Variants in COL12A1 observed in about 807,000 individuals in gnomAD.
COL12A1 encodes the protein collagen type XII alpha 1 chain.
A neutral mutation model predicts 349.7 loss-of-function variants in COL12A1; 114 were observed. The ratio of observed to expected loss-of-function variants is 0.33; its 90% CI spans 0.28 to 0.38. The LOEUF (loss-of-function observed/expected upper bound fraction) is 0.38, where lower values mean the gene tolerates loss of function less well. COL12A1 is among the 10% of genes least tolerant of loss of function. COL12A1 has a pLI of 1.00. For synonymous variants in COL12A1, 1,369 were observed against 1,329.0 expected (o/e 1.03, Z -0.66); for missense variants, 3,284 against 3,756.9 (o/e 0.87, Z 3.29).
At position 75,175,167 on chromosome 6, in the gene COL12A1, C is replaced by G. The variant is rs780466316; in HGVS notation, c.2581G>C (p.Val861Leu). ...VAGGETQEVT[V>L]RGDTTNTVLQ... ...ACCGTATTGGTTGTATCTCCCCTCA[C>G]AGTGACCTCTTGAGTTTCACCCCCT... The change falls in exon 13 of 66, where the codon GTG becomes CTG. Residue 861 changes from valine to leucine, a missense_variant. Coordinates refer to ENST00000322507, the MANE Select transcript of COL12A1 (RefSeq NM_004370.6). 6.2e-7 allele frequency: 1 copy of G among 1,614,200 alleles called. No homozygotes were observed. Among genetic ancestry groups the G allele is most frequent in the South Asian group, 1.1e-5 (1 of 91,078 alleles).
intron 38 of COL12A1, among the ~76,000 whole-genome samples, 195 bp from the exon 39 acceptor site, chr6:75,126,665 C>T (rs561653733): frequency 6.6e-6 from 1 of 152,114 alleles, no homozygotes; most frequent in African/African-American, 2.4e-5. Context: ...TAAACAGCAA[C>T]TCAAATAGAC....
At chr6:75,102,273 T>C (rs901262359) in intron 56 of COL12A1, among the ~76,000 whole-genome samples, 2 of 152,212 alleles carry the variant, frequency 1.3e-5, no homozygotes, top group Non-Finnish European at 2.9e-5. Context: ...CTACTTACAA[T>C]GTTATGGGGT....
Position 75,121,447 on chromosome 6 carries a change from A to T in COL12A1, c.6947-6T>A, listed in dbSNP as rs200538799. Reference sequence around the variant, plus strand: ...TGCCTTGGCCCCTTTGCATACTGCAAAAAAAGAAAGCAGAGGAAGCCCCAA... The same window carrying T: ...TGCCTTGGCCCCTTTGCATACTGCATAAAAAGAAAGCAGAGGAAGCCCCAA... On this transcript the variant is annotated splice_region_variant and splice_polypyrimidine_tract_variant and intron_variant, in intron 43 of 65. Coordinates refer to ENST00000322507, the MANE Select transcript of COL12A1 (RefSeq NM_004370.6). The T allele has an allele frequency of 2.0e-6, 3 of 1,537,536 alleles. No individual in the cohort carries two copies. The African/African-American group carries it at 4.1e-5, about 21-fold the overall frequency.
rs919687004 is a variant in COL12A1, at chr6:75,139,068, G to C, written c.4958-107C>G. ...TTATATTAATGGACATCTGAAAACT[G>C]ATTGAATACATTGCTTAGAACCAAA... On this transcript the variant is annotated intron_variant, in intron 27 of 65. Transcript: ENST00000322507. 32 of 1,289,670 alleles carry C rather than the reference G, an allele frequency of 2.5e-5. No homozygotes were observed. The African/African-American group carries it at 4.5e-4, about 18-fold the overall frequency. The allele number at this position is 1,289,670 out of a possible 1,614,324, so 79.9% of individuals were successfully genotyped here.
Position 75,105,653 on chromosome 6 carries a change from C to G in COL12A1, c.8179-361G>C, listed in dbSNP as rs537474042. Among the ~76,000 whole-genome samples, 3 of 152,260 alleles carry G rather than the reference C, an allele frequency of 2.0e-5. No individual in the cohort carries two copies. The South Asian group carries it at 6.2e-4, about 32-fold the overall frequency. ...TTCTCCATTATCCACATTGTTTTGT[C>G]CTTCACTTCATTCAGGTCTCTGCTT... is the stretch of plus-strand genomic sequence containing the variant. On this transcript the variant is annotated intron_variant, in intron 53 of 65. Transcript: ENST00000322507.
intron 1 of COL12A1, among the ~76,000 whole-genome samples, chr6:75,205,551 T>C (rs1363859174): frequency 6.6e-6 from 1 of 152,074 alleles, no homozygotes; most frequent in Middle Eastern, 3.2e-3. Flanking sequence ...AAAACCTTGC[T>C]CAGCTCTTAA....
intron 43 of COL12A1, among the ~76,000 whole-genome samples, chr6:75,121,858 CTTT>C (rs60234784): frequency 6.0e-5 from 8 of 134,426 alleles, no homozygotes; most frequent in Admixed American, 1.5e-4. Flanking sequence ...CAAATAAGTC[CTTT>C]TTTTTTTTTT....
In COL12A1 at chr6:75,175,291, G is replaced by A; in HGVS notation, c.2457C>T (p.Asp819=). 6.2e-7 allele frequency: 1 copy of A among 1,614,100 alleles called. No homozygotes were observed. Among genetic ancestry groups the A allele is most frequent in the South Asian group, 1.1e-5 (1 of 91,070 alleles). The part of the protein sequence containing the change: ...ATEEVRGNPR[D]LRVSDPTTST... ...ACGTCGTAGGGTCAGAAACTCTTAA[G>A]TCTCTTGGATTCCCTCTAACTTCAT... The change falls in exon 13 of 66, where the codon GAC becomes GAT. Residue 819 remains aspartate, a synonymous_variant. Transcript: ENST00000322507.
At position 75,089,192 on chromosome 6, in the gene COL12A1, G is replaced by C. The variant is rs1295839184; in HGVS notation, c.8942-18C>G. The C allele has an allele frequency of 1.9e-6, 3 of 1,582,854 alleles. No homozygotes were observed. The highest frequency in any genetic ancestry group is 2.6e-6 in the Non-Finnish European group (3 of 1,165,734). ...TGGCAAACCTAAGGAGGGAGAAAAA[G>C]AGAAAGCACAGGGGAAAAATTATCT... On this transcript the variant is annotated intron_variant, in intron 63 of 65. Transcript: ENST00000322507.
intron 5 of COL12A1, 44 bp from the exon 6 acceptor site, chr6:75,189,859 C>G: frequency 6.3e-7 from 1 of 1,592,902 alleles, no homozygotes; most frequent in Non-Finnish European, 8.6e-7. Flanking sequence ...TTTATTAAAT[C>G]AACTCATCAA....
chr6:75,183,886 A>C lies in COL12A1; in HGVS notation c.1256T>G (p.Met419Arg). The C allele has an allele frequency of 6.2e-7, 1 of 1,614,170 alleles. No homozygotes were observed. Among genetic ancestry groups the C allele is most frequent in the Non-Finnish European group, 8.5e-7 (1 of 1,180,018 alleles). The change falls in exon 9 of 66, where the codon ATG becomes AGG. Residue 419 changes from methionine to arginine, a missense_variant. This residue lies in a region of COL12A1 where 2,601 missense variants were observed against 2,824.8 expected (regional missense o/e 0.92). Coordinates refer to ENST00000322507, the MANE Select transcript of COL12A1 (RefSeq NM_004370.6). ...AACTTTCATTGGCTGAGTCTTCTCC[A>C]TTATTGAAATGGGTTCACTGGATGT... Reference protein sequence around the residue: ...GMTSSEPISIMEKTQPMKVQV... With the variant: ...GMTSSEPISIREKTQPMKVQV...
intron 16 of COL12A1, among the ~76,000 whole-genome samples, chr6:75,155,147 C>T (rs1249114599): frequency 6.6e-6 from 1 of 152,102 alleles, no homozygotes; most frequent in Non-Finnish European, 1.5e-5. Context: ...TTTTTCACTG[C>T]ACAGCCTGGA....
chr6:75,147,816 A>T lies in COL12A1; in HGVS notation c.4288-12T>A, dbSNP rs377491153. On this transcript the variant is annotated splice_polypyrimidine_tract_variant and intron_variant, in intron 22 of 65. Coordinates refer to ENST00000322507, the MANE Select transcript of COL12A1 (RefSeq NM_004370.6). ...CGACTCACATAAAACTAGGGGGAAA[A>T]ATTAAACAGAGCAACAACGTATGTA... is the stretch of plus-strand genomic sequence containing the variant. 222 of 1,610,988 alleles carry T rather than the reference A, an allele frequency of 1.4e-4. No individual in the cohort carries two copies. Among genetic ancestry groups the T allele is most frequent in the Non-Finnish European group, 1.7e-4 (205 of 1,178,982 alleles).
Position 75,202,804 on chromosome 6 carries a change from G to C in COL12A1, c.-12C>G, listed in dbSNP as rs1770599760. 3 of 1,551,608 alleles carry C rather than the reference G, an allele frequency of 1.9e-6. No homozygotes were observed. In the Middle Eastern group the frequency reaches 5.0e-4, roughly 259 times the overall value. On this transcript the variant is annotated 5_prime_UTR_variant, in exon 2 of 66. Coordinates refer to ENST00000322507, the MANE Select transcript of COL12A1 (RefSeq NM_004370.6). ...AGCCTACTCCGCATCCTTGGCCTCC[G>C]AGCTTACAGCGGCATGAAGAGATCT...
chr6:75,118,505 C>T (rs556849058), intron 46 of COL12A1, among the ~76,000 whole-genome samples: 1 of 152,256 alleles, frequency 6.6e-6, no homozygotes, highest in South Asian at 2.1e-4. Context: ...CTACTTTCAC[C>T]TCTAATGATC....
chr6:75,191,573 TTCC>T, intron 5 of COL12A1, 125 bp downstream of exon 5: 1 of 502,370 alleles, frequency 2.0e-6, no homozygotes, highest in Non-Finnish European at 3.3e-6. Flanking sequence ...TCTGTGCTCC[TTCC>T]AGATAAAGCT....
chr6:75,161,739 T>C (rs1053694875), intron 14 of COL12A1, among the ~76,000 whole-genome samples: 1 of 152,252 alleles, frequency 6.6e-6, no homozygotes, highest in Admixed American at 6.5e-5. Flanking sequence ...GATGACAAGA[T>C]TGTATATTTA....
intron 26 of COL12A1, 117 bp from the exon 27 acceptor site, chr6:75,142,278 G>T: frequency 8.1e-7 from 1 of 1,239,340 alleles, no homozygotes; most frequent in Non-Finnish European, 1.1e-6. Flanking sequence ...GAAAAGAGCA[G>T]TGTTTTCCAA....
chr6:75,117,248 T>C, intron 47 of COL12A1, 134 bp downstream of exon 47: 1 of 806,358 alleles, frequency 1.2e-6, no homozygotes, highest in Non-Finnish European at 1.9e-6. Flanking sequence ...GAACAGTGAT[T>C]CATCAGGTTC....
Sources: allele counts gnomAD v4.1 joint callset (sites outside exome capture counted in the v4.1 genomes callset), GRCh38; gene constraint gnomAD v4.1.1; regional missense constraint gnomAD v4.1.1; transcripts MANE v1.5; gene names NCBI Gene and HGNC (gene_info 2026-07-23, HGNC 2026-07-21).